Variants in CACNA1S observed in about 807,000 individuals in gnomAD.
CACNA1S encodes the protein calcium voltage-gated channel subunit alpha1 S, also known as voltage-dependent L-type calcium channel subunit alpha-1S.
A neutral mutation model predicts 207.4 loss-of-function variants in CACNA1S; 126 were observed. The ratio of observed to expected loss-of-function variants is 0.61; its 90% CI spans 0.53 to 0.70. The LOEUF (loss-of-function observed/expected upper bound fraction) is 0.70, where lower values mean the gene tolerates loss of function less well. Ranked by LOEUF, CACNA1S falls within the 30% of genes least tolerant of loss-of-function variation. The probability of loss-of-function intolerance (pLI) is 0.00; values close to 1 mark genes in which losing one functional copy is unlikely to be tolerated. For missense variants in CACNA1S, 2,349 were observed against 2,422.8 expected, an observed-to-expected ratio of 0.97 and a Z score of 0.64; for synonymous variants, 960 against 932.7, an observed-to-expected ratio of 1.03 and a Z score of -0.53.
At chr1:201,056,070 GACACACACACACAC>G (rs58170287) in intron 28 of CACNA1S, among the ~76,000 whole-genome samples, 4 of 94,918 alleles carry the variant, frequency 4.2e-5, no homozygotes, top group Non-Finnish European at 5.2e-5. Flanking sequence ...CAGACAGACA[GACACACACACACAC>G]ACACACACAC....
At position 201,077,830 on chromosome 1, in the gene CACNA1S, C is replaced by T. The variant is rs550075422; in HGVS notation, c.1619+49G>A. On this transcript the variant is annotated intron_variant, in intron 11 of 43. Transcript: ENST00000362061. ...GAGATGGGTGTAGACCAGACCAGCC[C>T]GTGGTGCCTGCCGGGGACCCGGGAG... 45 of 1,337,618 alleles carry T rather than the reference C, an allele frequency of 3.4e-5. No homozygotes were observed. The African/African-American group carries it at 3.9e-4, about 12-fold the overall frequency. The allele number at this position is 1,337,618 out of a possible 1,614,324, so 82.9% of individuals were successfully genotyped here. A position where few individuals can be genotyped will look rare whatever the true frequency, so the allele number is the denominator to read the frequency against.
intron 36 of CACNA1S, among the ~76,000 whole-genome samples, chr1:201,048,373 C>A (rs1230740232): frequency 6.6e-6 from 1 of 152,296 alleles, no homozygotes; most frequent in South Asian, 2.1e-4. Flanking sequence ...TGGGAACAGA[C>A]CCTTGATGAT....
rs1327804444 is a variant in CACNA1S at position 201,047,231 on chromosome 1, C to T, written c.4552G>A (p.Val1518Met). The change falls in exon 38 of 44, where the codon GTG becomes ATG. Residue 1518 changes from valine (V) to methionine (M), a missense_variant. Physicochemically the swap from Val to Met is conservative, Grantham distance 21 (BLOSUM62 1). Coordinates refer to ENST00000362061, the MANE Select transcript of CACNA1S (RefSeq NM_000069.3). ...GTGGCGTAGAACTTCCCCACTGTCACCTCATCATCTGCAGAGGAGCCAACA... is the reference window on the plus strand; with the variant it reads ...GTGGCGTAGAACTTCCCCACTGTCATCTCATCATCTGCAGAGGAGCCAACA... The part of the protein sequence containing the change: ...QVIPPIGDDE[V>M]TVGKFYATFL... 6.2e-7 allele frequency: 1 copy of T among 1,614,216 alleles called. No homozygotes were observed. The highest frequency in any genetic ancestry group is 2.2e-5 in the East Asian group (1 of 44,888).
intron 2 of CACNA1S, among the ~76,000 whole-genome samples, chr1:201,108,190 C>T (rs539189748): frequency 2.2e-4 from 33 of 151,082 alleles, no homozygotes; most frequent in African/African-American, 8.1e-4. Context: ...ACTGCAGCCT[C>T]GACCTCCCAG....
intron 41 of CACNA1S, among the ~76,000 whole-genome samples, chr1:201,041,130 AG>A (rs1054626710): frequency 6.6e-6 from 1 of 152,172 alleles, no homozygotes; most frequent in Non-Finnish European, 1.5e-5. Context: ...CATTTGCAGA[AG>A]GGCCCCAGAG....
In CACNA1S at chr1:201,039,957, T is replaced by C. The variant is rs1660068735; in HGVS notation, c.5496A>G (p.Leu1832=). Residue 1832 remains leucine (L), a synonymous_variant, in exon 44 of 44, where the codon CTA becomes CTG. Coordinates refer to ENST00000362061, the MANE Select transcript of CACNA1S (RefSeq NM_000069.3). ...PEEVEIMATE[L]LKGREAPEGM... ...CCTCTGGGGCCTCTCGTCCTTTCAG[T>C]AGCTCTGTTGCCATGATCTCCACTT... The C allele has an allele frequency of 3.7e-6, 6 of 1,610,834 alleles. No homozygotes were observed. Among genetic ancestry groups the C allele is most frequent in the South Asian group, 1.1e-5 (1 of 91,082 alleles).
At chr1:201,097,121 C>T (rs1260775285) in intron 2 of CACNA1S, among the ~76,000 whole-genome samples, 3 of 152,240 alleles carry the variant, frequency 2.0e-5, no homozygotes, top group Non-Finnish European at 2.9e-5. Context: ...GGCCATTCCA[C>T]CCCTACCGTC....
At chr1:201,045,826 G>A (rs950352610) in intron 38 of CACNA1S, among the ~76,000 whole-genome samples, 6 of 149,728 alleles carry the variant, frequency 4.0e-5, no homozygotes, top group African/African-American at 1.5e-4. Context: ...GCAGGATAAC[G>A]CCCTTGTAAT....
intron 2 of CACNA1S, among the ~76,000 whole-genome samples, chr1:201,103,025 T>C (rs1213629667): frequency 6.6e-6 from 1 of 151,924 alleles, no homozygotes. Flanking sequence ...ATAACAGTCC[T>C]GAAAAGAAAG....
At chr1:201,107,874 T>C (rs78331432) in intron 2 of CACNA1S, among the ~76,000 whole-genome samples, 2,537 of 152,290 alleles carry the variant, frequency 0.017, 78 homozygotes, top group African/African-American at 0.058. Flanking sequence ...GAGCATTCAT[T>C]TCCCATAGAG....
chr1:201,047,951 C>A (rs866940865), intron 36 of CACNA1S, among the ~76,000 whole-genome samples: 4 of 152,218 alleles, frequency 2.6e-5, no homozygotes, highest in African/African-American at 9.6e-5. Context: ...CCAAATACCC[C>A]CAGGCAGACT....
At chr1:201,087,771 C>T in intron 7 of CACNA1S, 55 bp downstream of exon 7, 1 of 1,223,764 alleles carries the variant, frequency 8.2e-7, no homozygotes, top group Non-Finnish European at 1.2e-6. Flanking sequence ...CTTCCTCCTC[C>T]TTCTCCCCTC....
intron 40 of CACNA1S, chr1:201,041,963 A>T (rs1174474370): frequency 2.8e-6 from 1 of 360,830 alleles, no homozygotes; most frequent in African/African-American, 2.1e-5. Context: ...CACACCCAGC[A>T]TCTGTGGTGA....
intron 7 of CACNA1S, among the ~76,000 whole-genome samples, chr1:201,087,587 C>T (rs1662076282): frequency 6.6e-6 from 1 of 151,980 alleles, no homozygotes; most frequent in South Asian, 2.1e-4. Context: ...TCTTCCTGCT[C>T]ACCAGGAAGG....
At position 201,093,965 on chromosome 1, in the gene CACNA1S, G is replaced by A. The variant is rs756365041; in HGVS notation, c.315C>T (p.Ile105=). ...IVFSIEAAMK[I]IAYGFLFHQD... ...GGTGGAATAAGAAGCCGTAGGCAATGATCTTCATGGCGGCTTCAATCGAGA... is the reference window on the plus strand; with the variant it reads ...GGTGGAATAAGAAGCCGTAGGCAATAATCTTCATGGCGGCTTCAATCGAGA... The change falls in exon 3 of 44, where the codon ATC becomes ATT. Residue 105 remains isoleucine, a synonymous_variant. Coordinates refer to ENST00000362061, the MANE Select transcript of CACNA1S (RefSeq NM_000069.3). The A allele has an allele frequency of 9.3e-6, 15 of 1,614,072 alleles. No homozygotes were observed. The Admixed American group carries it at 1.3e-4, about 14-fold the overall frequency.
chr1:201,088,518 C>T (rs1662112562), intron 6 of CACNA1S, among the ~76,000 whole-genome samples: 1 of 152,142 alleles, frequency 6.6e-6, no homozygotes, highest in Admixed American at 6.5e-5. Context: ...TACAATCCCC[C>T]CACCCCCACA....
intron 5 of CACNA1S, among the ~76,000 whole-genome samples, chr1:201,090,550 A>T (rs1006568162): frequency 6.6e-6 from 1 of 152,202 alleles, no homozygotes; most frequent in African/African-American, 2.4e-5. Flanking sequence ...GGCCTAGAAC[A>T]GTTATTCTGG....
intron 41 of CACNA1S, among the ~76,000 whole-genome samples, chr1:201,041,165 G>A (rs1382079922): frequency 6.6e-6 from 1 of 152,204 alleles, no homozygotes; most frequent in Non-Finnish European, 1.5e-5. Context: ...GTGTCCAGGG[G>A]CTGCCCTTCC....
intron 18 of CACNA1S, 85 bp downstream of exon 18, chr1:201,069,385 CAT>C (rs1159669303): frequency 1.3e-6 from 2 of 1,567,058 alleles, no homozygotes; most frequent in African/African-American, 1.3e-5. Flanking sequence ...CTTGTAGCCA[CAT>C]AGAGGATACA....
Sources: allele counts gnomAD v4.1 joint callset (sites outside exome capture counted in the v4.1 genomes callset), GRCh38; gene constraint gnomAD v4.1.1; transcripts MANE v1.5; gene names NCBI Gene and HGNC (gene_info 2026-07-23, HGNC 2026-07-21).